DGKD: variants seen among roughly 807,000 people sequenced by gnomAD.
The protein encoded by DGKD is DAG kinase delta.
DGKD carries 68 observed loss-of-function variants against 154.4 expected under a neutral mutation model. The ratio of observed to expected loss-of-function variants is 0.44; its 90% CI spans 0.36 to 0.54. The LOEUF is 0.54. DGKD is among the 20% of genes least tolerant of loss of function. The probability of loss-of-function intolerance (pLI) is 0.00; values close to 1 mark genes in which losing one functional copy is unlikely to be tolerated. For synonymous variants in DGKD, 693 were observed against 638.0 expected (o/e 1.09, Z -1.30); for missense variants, 1,343 against 1,593.6 (o/e 0.84, Z 2.68).
rs907305589 is a variant in DGKD at position 233,440,645 on chromosome 2, C to T, written c.1086-1242C>T. Among the ~76,000 whole-genome samples the T allele has an allele frequency of 6.6e-5, 10 of 152,160 alleles. No individual in the cohort carries two copies. The highest frequency in any genetic ancestry group is 1.5e-4 in the Non-Finnish European group (10 of 68,022). ...TGCAGAGGCGAGGCAAGAGGGAATG[C>T]AGTGGGGCCAGGCCAGGCAGCAGCA... On this transcript the variant is annotated intron_variant, in intron 9 of 29. Coordinates refer to ENST00000264057, the MANE Select transcript of DGKD (RefSeq NM_152879.3). The surrounding 1 kb of genome is among the most constrained non-coding windows in gnomAD (Gnocchi z 4.9).
chr2:233,457,154 C>A lies in DGKD; in HGVS notation c.2473-67C>A. The A allele has an allele frequency of 7.2e-7, 1 of 1,383,752 alleles. No homozygotes were observed. Among genetic ancestry groups the A allele is most frequent in the Non-Finnish European group, 9.9e-7 (1 of 1,006,334 alleles). 85.7% of individuals were successfully genotyped at this position (1,383,752 alleles called of 1,614,324 possible). A position where few individuals can be genotyped will look rare whatever the true frequency, so the allele number is the denominator to read the frequency against. ...CTCCTGAGCCCCTGGCGGTGGGAAG[C>A]TGGTAGAGAAGGAGGGGCTGACTCA... On this transcript the variant is annotated intron_variant, in intron 20 of 29. Coordinates refer to ENST00000264057, the MANE Select transcript of DGKD (RefSeq NM_152879.3). The surrounding 1 kb of genome is among the most constrained non-coding windows in gnomAD (Gnocchi z 5.5).
intron 26 of DGKD, 29 bp from the exon 27 acceptor site, chr2:233,464,135 T>C: frequency 6.2e-7 from 1 of 1,612,910 alleles, no homozygotes; most frequent in Non-Finnish European, 8.5e-7. Flanking sequence ...CACTCTCCAT[T>C]TCTCTCTCCC....
chr2:233,412,765 T>C (rs2061858740), intron 3 of DGKD, among the ~76,000 whole-genome samples: 1 of 152,224 alleles, frequency 6.6e-6, no homozygotes, highest in Admixed American at 6.5e-5. Context: ...AGGATGTTCT[T>C]TACTTGATCG....
chr2:233,357,893 A>G (rs1430986409), intron 1 of DGKD, among the ~76,000 whole-genome samples: 1 of 152,232 alleles, frequency 6.6e-6, no homozygotes, highest in Non-Finnish European at 1.5e-5. Flanking sequence ...TCCATGGACC[A>G]GACTTTGAAA....
intron 1 of DGKD, among the ~76,000 whole-genome samples, chr2:233,360,928 G>A (rs563054649): frequency 1.3e-5 from 2 of 151,980 alleles, no homozygotes; most frequent in East Asian, 1.9e-4. Context: ...GAGGGAGTGC[G>A]GCCTTCTGAT....
chr2:233,372,406 A>C (rs780092560), intron 1 of DGKD, among the ~76,000 whole-genome samples: 2 of 152,164 alleles, frequency 1.3e-5, no homozygotes, highest in Non-Finnish European at 2.9e-5. Flanking sequence ...TCATCTCATT[A>C]AATCCAGTCT....
intron 3 of DGKD, among the ~76,000 whole-genome samples, chr2:233,421,262 C>G (rs993469078): frequency 3.9e-5 from 6 of 152,068 alleles, no homozygotes; most frequent in African/African-American, 1.4e-4. Context: ...GGGAGCAGCA[C>G]CCAGCCAGCT....
chr2:233,364,820 C>T (rs963865863), intron 1 of DGKD, among the ~76,000 whole-genome samples: 1 of 152,116 alleles, frequency 6.6e-6, no homozygotes, highest in Non-Finnish European at 1.5e-5. Context: ...AGTTAAAATA[C>T]AGAGATTGTG....
At chr2:233,462,593 G>C (rs767122759) in intron 25 of DGKD, 50 bp from the exon 26 acceptor site, 1 of 1,577,784 alleles carries the variant, frequency 6.3e-7, no homozygotes, top group African/African-American at 1.3e-5. Flanking sequence ...GCCCCTAACC[G>C]TGCATGTTCG....
At chr2:233,427,143 G>C (rs2062332491) in intron 3 of DGKD, among the ~76,000 whole-genome samples, 1 of 151,900 alleles carries the variant, frequency 6.6e-6, no homozygotes, top group South Asian at 2.1e-4. Context: ...CTCCTCCTCT[G>C]TGACATCACG....
In DGKD at chr2:233,467,131, C is replaced by T. The variant is rs1322228466; in HGVS notation, c.3352C>T (p.Arg1118Cys). 7 of 1,614,188 alleles carry T rather than the reference C, an allele frequency of 4.3e-6. No homozygotes were observed. The highest frequency in any genetic ancestry group is 2.2e-5 in the South Asian group (2 of 91,076). ...LAKRSRSGKF[R>C]LVTKFKKEKN... ...CAAGCGCAGTCGCAGTGGTAAATTCCGCCTCGTGACCAAGTTTAAAAAGGA... is the reference window on the plus strand; with the variant it reads ...CAAGCGCAGTCGCAGTGGTAAATTCTGCCTCGTGACCAAGTTTAAAAAGGA... The change falls in exon 28 of 30, where the codon CGC (arginine) becomes TGC (cysteine). Residue 1118 changes from arginine to cysteine, a missense_variant. Physicochemically the swap from Arg to Cys is radical, Grantham distance 180 (BLOSUM62 -3). Around this residue, in one of 6 missense-constraint regions of DGKD, gnomAD observed 429 missense variants for 496.3 expected, o/e 0.86. Coordinates refer to ENST00000264057, the MANE Select transcript of DGKD (RefSeq NM_152879.3).
At chr2:233,444,911 A>G (rs946972262) in intron 10 of DGKD, among the ~76,000 whole-genome samples, 1 of 151,840 alleles carries the variant, frequency 6.6e-6, no homozygotes, top group Non-Finnish European at 1.5e-5. Flanking sequence ...CTGTTGTCAG[A>G]GTCAAAGGCT....
rs2063198907 is a variant in DGKD at position 233,449,517 on chromosome 2, G to C, written c.1888+141G>C. 1 of 1,218,570 alleles carries C rather than the reference G, an allele frequency of 8.2e-7. No individual in the cohort carries two copies. The highest frequency in any genetic ancestry group is 1.5e-5 in the African/African-American group (1 of 65,484). The allele number at this position is 1,218,570 out of a possible 1,614,324, so 75.5% of individuals were successfully genotyped here. ...CCTCTCCACCCATGTCCAGGCACCA[G>C]ACCCCCAACGAGTTCGCTTGCCCTC... On this transcript the variant is annotated intron_variant, in intron 15 of 29. Transcript: ENST00000264057. The surrounding 1 kb of genome is among the most constrained non-coding windows in gnomAD (Gnocchi z 5.3).
chr2:233,441,971 C>T lies in DGKD; in HGVS notation c.1170C>T (p.Ile390=), dbSNP rs138903271. 71 of 1,614,098 alleles carry T rather than the reference C, an allele frequency of 4.4e-5. No individual in the cohort carries two copies. Among genetic ancestry groups the T allele is most frequent in the Non-Finnish European group, 5.8e-5 (69 of 1,180,008 alleles). The part of the protein sequence containing the change: ...DGSVGWVLSE[I]DSLNLHKQCQ... ...GTGTTGGCTGGGTCCTCTCCGAAAT[C>T]GACAGCCTCAACCTTCATAAACAGG... Residue 390 remains isoleucine (I), a synonymous_variant, in exon 10 of 30, where the codon ATC becomes ATT. Transcript: ENST00000264057. The surrounding 1 kb of genome is among the most constrained non-coding windows in gnomAD (Gnocchi z 5.6).
In DGKD at chr2:233,436,511, G is replaced by A. The variant is rs1186911835; in HGVS notation, c.819+70G>A. 14 of 1,547,098 alleles carry A rather than the reference G, an allele frequency of 9.0e-6. No individual in the cohort carries two copies. In the African/African-American group the frequency reaches 1.4e-4, roughly 15 times the overall value. ...CCTACCGTGCCCATGCGGGCCTTGC[G>A]GCTCCGCATGATCTGCTGGATCCTG... On this transcript the variant is annotated intron_variant, in intron 7 of 29. Coordinates refer to ENST00000264057, the MANE Select transcript of DGKD (RefSeq NM_152879.3).
chr2:233,462,550 G>A, intron 25 of DGKD, 91 bp downstream of exon 25: 1 of 1,522,562 alleles, frequency 6.6e-7, no homozygotes, highest in Admixed American at 1.7e-5. Context: ...CGCCTCCCCG[G>A]TGCATGTTCG....
At chr2:233,468,764 G>C (rs1349746971) in intron 29 of DGKD, among the ~76,000 whole-genome samples, 1 of 152,198 alleles carries the variant, frequency 6.6e-6, no homozygotes. Context: ...AGACATAATG[G>C]GGGGCAGAGC....
chr2:233,377,191 T>G (rs887065472), intron 1 of DGKD, among the ~76,000 whole-genome samples: 8 of 151,144 alleles, frequency 5.3e-5, no homozygotes, highest in African/African-American at 1.9e-4. Context: ...CAAACGATTC[T>G]CTTGCTTCAG....
chr2:233,412,265 T>C (rs2061848215), intron 3 of DGKD, among the ~76,000 whole-genome samples: 1 of 152,222 alleles, frequency 6.6e-6, no homozygotes, highest in African/African-American at 2.4e-5. Flanking sequence ...ACACGATCTC[T>C]CTCTCTTTAT....
Sources: gnomAD v4.1 joint callset for allele counts (sites outside exome capture counted in the v4.1 genomes callset) on GRCh38, gnomAD v4.1.1 for gene constraint, gnomAD v4.1.1 regional missense constraint, Gnocchi (gnomAD v3.1) non-coding constraint, MANE v1.5 for transcripts, NCBI Gene and HGNC (gene_info 2026-07-23, HGNC 2026-07-21) for gene names.